The following TOP1MT variants were observed in gnomAD, a reference collection of about 807,000 sequenced individuals.
TOP1MT encodes the protein DNA topoisomerase I, mitochondrial.
Under a neutral mutation model 73.9 loss-of-function variants are expected in TOP1MT, and 80 were observed. The observed-to-expected ratio is 1.08, with a 90% CI of 0.90 to 1.30. The LOEUF (loss-of-function observed/expected upper bound fraction) is 1.30, where lower values mean the gene tolerates loss of function less well. TOP1MT is among the 50% of genes most tolerant of loss of function. The pLI is 0.00. For missense variants in TOP1MT, 815 were observed against 808.0 expected (o/e 1.01, Z -0.10); for synonymous variants, 338 against 326.4 (o/e 1.04, Z -0.38).
upstream of TOP1MT, among the ~76,000 whole-genome samples, chr8:143,356,408 C>T (rs1372064226): frequency 6.6e-6 from 1 of 152,270 alleles, no homozygotes; most frequent in Non-Finnish European, 1.5e-5. Context: ...GACATAAATG[C>T]ACCTTGTGTG....
chr8:143,314,252 G>A (rs73380259), intron 12 of TOP1MT, among the ~76,000 whole-genome samples: 2,243 of 152,148 alleles, frequency 0.015, 57 homozygotes, highest in African/African-American at 0.052. Flanking sequence ...CTCCTCCCAC[G>A]GCTCCATGTG....
chr8:143,352,606 C>A (rs1404993392), intron 1 of TOP1MT, among the ~76,000 whole-genome samples: 1 of 152,092 alleles, frequency 6.6e-6, no homozygotes, highest in Non-Finnish European at 1.5e-5. Context: ...TCTTTATGAC[C>A]CTGAATTAGA....
In TOP1MT at chr8:143,326,363, C is replaced by G; in HGVS notation, c.361-19G>C. On this transcript the variant is annotated intron_variant, in intron 3 of 13. Coordinates refer to ENST00000329245, the MANE Select transcript of TOP1MT (RefSeq NM_052963.3). ...CCATTTCCTGCAAAAACCACAGACA[C>G]GCGCTCTCACCATGTCTGAAGGACA... 2 of 1,613,782 alleles carry G rather than the reference C, an allele frequency of 1.2e-6. No individual in the cohort carries two copies. The highest frequency in any genetic ancestry group is 1.7e-5 in the Admixed American group (1 of 60,018).
chr8:143,321,094 G>A, intron 8 of TOP1MT, 107 bp downstream of exon 8: 8 of 1,201,484 alleles, frequency 6.7e-6, no homozygotes, highest in South Asian at 1.5e-5. Context: ...CCAGCAGGCA[G>A]GACGTGGCAA....
At chr8:143,320,975 G>A (rs1477918594) in intron 8 of TOP1MT, among the ~76,000 whole-genome samples, 1 of 152,164 alleles carries the variant, frequency 6.6e-6, no homozygotes, top group Non-Finnish European at 1.5e-5. Context: ...CGTGACACAC[G>A]TGCCCTTTTC....
At chr8:143,324,369 G>C (rs775704595) in intron 6 of TOP1MT, 116 bp downstream of exon 6, 68 of 1,503,284 alleles carry the variant, frequency 4.5e-5, no homozygotes, top group Non-Finnish European at 6.0e-5. Flanking sequence ...GCACGGGCTG[G>C]CCGACTCCCA....
intron 2 of TOP1MT, among the ~76,000 whole-genome samples, chr8:143,342,540 T>A (rs1817127687): frequency 1.6e-5 from 1 of 63,220 alleles, no homozygotes; most frequent in Admixed American, 2.3e-4. Flanking sequence ...TCTCGCTCTG[T>A]TATTATTATT....
chr8:143,309,665 G>A, intron 13 of TOP1MT, 122 bp from the exon 14 acceptor site: 1 of 1,529,860 alleles, frequency 6.5e-7, no homozygotes, highest in Non-Finnish European at 8.8e-7. Context: ...GCCTGGTGTA[G>A]CTGGGACCTG....
At chr8:143,324,236 C>T in intron 6 of TOP1MT, 94 bp from the exon 7 acceptor site, 1 of 1,537,388 alleles carries the variant, frequency 6.5e-7, no homozygotes, top group Non-Finnish European at 8.9e-7. Flanking sequence ...CCTCGTGCTT[C>T]TCCACTCAGT....
chr8:143,326,552 G>A (rs1450197501), intron 3 of TOP1MT, among the ~76,000 whole-genome samples: 1 of 152,230 alleles, frequency 6.6e-6, no homozygotes, highest in African/African-American at 2.4e-5. Flanking sequence ...TGTTATTGCA[G>A]GCATGGAGTT....
intron 2 of TOP1MT, among the ~76,000 whole-genome samples, chr8:143,340,413 G>A (rs1817057881): frequency 6.6e-6 from 1 of 151,932 alleles, no homozygotes; most frequent in African/African-American, 2.4e-5. Context: ...TCCACCTGCT[G>A]CCTTCGGCCT....
At chr8:143,347,166 T>C (rs1350064022), upstream of TOP1MT, among the ~76,000 whole-genome samples, 1 of 151,534 alleles carries the variant, frequency 6.6e-6, no homozygotes, top group Non-Finnish European at 1.5e-5. Flanking sequence ...TGTTTTGTTT[T>C]GTTTTTGAGA....
upstream of TOP1MT, among the ~76,000 whole-genome samples, chr8:143,356,525 C>T (rs1327438859): frequency 2.0e-5 from 3 of 152,206 alleles, no homozygotes; most frequent in African/African-American, 2.4e-5. Flanking sequence ...CAGTGGCTCA[C>T]GCCTGTAATC....
rs1563763480 is a variant in TOP1MT, at chr8:143,326,208, C to G, written c.483+14G>C. 1.2e-6 allele frequency: 2 copies of G among 1,613,218 alleles called. No homozygotes were observed. The highest frequency in any genetic ancestry group is 8.5e-7 in the Non-Finnish European group (1 of 1,179,878). On this transcript the variant is annotated intron_variant, in intron 4 of 13. Transcript: ENST00000329245. ...GGGCCACTTCAGGTCACACAACGCT[C>G]GAGGCAGCCCAACCTGCTTCTCCTC... is the stretch of plus-strand genomic sequence containing the variant.
At chr8:143,310,509 A>C in intron 12 of TOP1MT, 1 of 299,068 alleles carries the variant, frequency 3.3e-6, no homozygotes, top group Non-Finnish European at 6.1e-6. Context: ...GCCGGCCCAA[A>C]CAGGATGAGG....
At chr8:143,317,603 C>T in intron 10 of TOP1MT, 120 bp downstream of exon 10, 2 of 844,192 alleles carry the variant, frequency 2.4e-6, no homozygotes. Flanking sequence ...CAACCTCAGC[C>T]CATTTCCCAA....
At chr8:143,323,617 GGCACGCCACACAC>G (rs1816608235) in intron 7 of TOP1MT, among the ~76,000 whole-genome samples, 1 of 17,514 alleles carries the variant, frequency 5.7e-5, no homozygotes, top group African/African-American at 1.9e-4. Flanking sequence ...CACACACACA[GGCACGCCACACAC>G]GCACGCCACA....
Position 143,317,846 on chromosome 8 carries a change from G to A in TOP1MT, c.1216-9C>T, listed in dbSNP as rs200124436. The A allele has an allele frequency of 1.4e-4, 221 of 1,613,714 alleles. No individual in the cohort carries two copies. In the East Asian group the frequency reaches 4.3e-3, roughly 31 times the overall value. ...TTGTTCAGGCTGGTCGTCTGGGGAG[G>A]AAAATGGTCTCTATAATTACGTGGT... On this transcript the variant is annotated splice_polypyrimidine_tract_variant and intron_variant, in intron 9 of 13. Transcript: ENST00000329245.
intron 12 of TOP1MT, among the ~76,000 whole-genome samples, chr8:143,313,080 C>T (rs1347924620): frequency 6.6e-6 from 1 of 152,144 alleles, no homozygotes; most frequent in African/African-American, 2.4e-5. Context: ...CTGGGCCCTT[C>T]CCTCAGACCA....
Sources: gnomAD v4.1 joint callset for allele counts (sites outside exome capture counted in the v4.1 genomes callset) on GRCh38, gnomAD v4.1.1 for gene constraint, MANE v1.5 for transcripts, NCBI Gene and HGNC (gene_info 2026-07-23, HGNC 2026-07-21) for gene names.